Variants in STARD13 observed in about 807,000 individuals in gnomAD.
STARD13 encodes stAR-related lipid transfer protein 13.
In STARD13, 62 loss-of-function variants were observed where a neutral mutation model predicts 106.4. The ratio of observed to expected loss-of-function variants is 0.58; its 90% CI spans 0.48 to 0.72. The LOEUF is 0.72. Ranked by LOEUF, STARD13 falls within the 30% of genes least tolerant of loss-of-function variation. STARD13 has a pLI of 0.00. For missense variants in STARD13, 1,387 were observed against 1,424.0 expected (o/e 0.97, Z 0.42); for synonymous variants, 565 against 553.0 (o/e 1.02, Z -0.31).
At chr13:33,339,801 C>A (rs1008685838) in intron 1 of STARD13, among the ~76,000 whole-genome samples, 5 of 151,996 alleles carry the variant, frequency 3.3e-5, no homozygotes, top group African/African-American at 4.8e-5. Context: ...AAGAAAGACA[C>A]AATGGCTGGG....
chr13:33,408,400 C>T, the STARD13 span, among the ~76,000 whole-genome samples: 1 of 151,966 alleles, frequency 6.6e-6, no homozygotes, highest in Admixed American at 6.6e-5. Flanking sequence ...TGAGTGGAGT[C>T]ATACAGTATT....
At chr13:33,500,173 T>C in the STARD13 span, among the ~76,000 whole-genome samples, 46 of 152,200 alleles carry the variant, frequency 3.0e-4, no homozygotes, top group African/African-American at 1.1e-3. Context: ...AGCTTCAACA[T>C]ATAAATTTGG....
intron 4 of STARD13, among the ~76,000 whole-genome samples, chr13:33,132,266 C>G (rs1385702257): frequency 6.6e-6 from 1 of 152,184 alleles, no homozygotes; most frequent in Non-Finnish European, 1.5e-5. Context: ...TTGTAGCTCC[C>G]ATAATTCCCA....
intron 1 of STARD13, chr13:33,280,549 T>G (rs1415449721): frequency 1.3e-5 from 2 of 152,108 alleles, no homozygotes; most frequent in African/African-American, 4.8e-5. Flanking sequence ...TCAAGACAAT[T>G]CCACTTTACA....
chr13:33,671,881 T>C, the STARD13 span, among the ~76,000 whole-genome samples: 2 of 152,248 alleles, frequency 1.3e-5, no homozygotes, highest in Non-Finnish European at 2.9e-5. Context: ...TTGCTTCTAT[T>C]ATTAAATCCT....
intron 8 of STARD13, 35 bp downstream of exon 8, chr13:33,118,030 C>T (rs1350746150): frequency 1.9e-6 from 3 of 1,609,862 alleles, no homozygotes; most frequent in South Asian, 2.2e-5. Flanking sequence ...TGGAAGGATG[C>T]CCACGAGAAC....
the STARD13 span, among the ~76,000 whole-genome samples, chr13:33,639,184 T>TG: frequency 3.9e-5 from 6 of 152,202 alleles, no homozygotes; most frequent in East Asian, 1.2e-3. Context: ...GGTGAGATGA[T>TG]GAAGAGTTGG....
At chr13:33,350,750 G>A (rs988363079), upstream of STARD13, 77 of 778,326 alleles carry the variant, frequency 9.9e-5, no homozygotes, top group Non-Finnish European at 1.2e-4. Context: ...GCTGCCTCGC[G>A]CCCCACTCCT....
chr13:33,325,386 T>A (rs2077762446), intron 1 of STARD13, among the ~76,000 whole-genome samples: 3 of 152,168 alleles, frequency 2.0e-5, no homozygotes, highest in Admixed American at 2.0e-4. Flanking sequence ...CAATATCTCC[T>A]GATTATTCTA....
intron 1 of STARD13, among the ~76,000 whole-genome samples, chr13:33,320,916 C>T (rs898035141): frequency 6.6e-6 from 1 of 152,162 alleles, no homozygotes; most frequent in African/African-American, 2.4e-5. Flanking sequence ...TAAACACAAG[C>T]TCGTTCTTTC....
At chr13:33,553,797 C>T in the STARD13 span, among the ~76,000 whole-genome samples, 1 of 151,920 alleles carries the variant, frequency 6.6e-6, no homozygotes, top group Non-Finnish European at 1.5e-5. Flanking sequence ...CCAGGATGGT[C>T]TCGATGTGTT....
the STARD13 span, among the ~76,000 whole-genome samples, chr13:33,633,886 C>T: frequency 3.5e-3 from 536 of 152,286 alleles, 3 homozygotes; most frequent in Middle Eastern, 0.014. Flanking sequence ...CCTGACCACC[C>T]TCTTGGGGCT....
chr13:33,661,378 A>G, the STARD13 span: 1 of 152,204 alleles, frequency 6.6e-6, no homozygotes, highest in Non-Finnish European at 1.5e-5. Context: ...AGCCAAGGGA[A>G]GAGGAAGTAA....
At chr13:33,652,576 A>C in the STARD13 span, among the ~76,000 whole-genome samples, 49 of 152,222 alleles carry the variant, frequency 3.2e-4, no homozygotes, top group African/African-American at 1.2e-3. Context: ...AAAACACATG[A>C]ATTCCCAAAC....
chr13:33,503,593 A>C, the STARD13 span, among the ~76,000 whole-genome samples: 1 of 152,098 alleles, frequency 6.6e-6, no homozygotes, highest in South Asian at 2.1e-4. Context: ...CTTTGTTCTC[A>C]TTGGTTTCAA....
the STARD13 span, among the ~76,000 whole-genome samples, chr13:33,646,144 G>A: frequency 6.6e-6 from 1 of 152,156 alleles, no homozygotes; most frequent in Non-Finnish European, 1.5e-5. Flanking sequence ...CAGAGAGCAT[G>A]TCCCAGGTGC....
At chr13:33,125,676 A>G (rs1464485764) in intron 7 of STARD13, among the ~76,000 whole-genome samples, 1 of 152,230 alleles carries the variant, frequency 6.6e-6, no homozygotes, top group Non-Finnish European at 1.5e-5. Flanking sequence ...AATTAATAAA[A>G]GGAGGCATGA....
chr13:33,639,683 C>T, the STARD13 span, among the ~76,000 whole-genome samples: 22 of 152,164 alleles, frequency 1.4e-4, no homozygotes, highest in Non-Finnish European at 2.9e-4. Context: ...TCACTTACTC[C>T]TGTGCCAATC....
In STARD13 at chr13:33,267,131, G is replaced by A. The variant is rs996729403; in HGVS notation, c.169+18339C>T. Among the ~76,000 whole-genome samples, 20 of 152,216 alleles carry A rather than the reference G, an allele frequency of 1.3e-4. 1 individual carries two copies. Among genetic ancestry groups the A allele is most frequent in the Admixed American group, 6.5e-4 (10 of 15,282 alleles). ...GTGTCAGCACACAGCTAAACTCTCC[G>A]TAGAGGGTGGGCCCTGGTTTTTCAA... On this transcript the variant is annotated intron_variant, in intron 1 of 13. Transcript: ENST00000336934.
Sources: gnomAD v4.1 joint callset for allele counts (sites outside exome capture counted in the v4.1 genomes callset) on GRCh38, gnomAD v4.1.1 for gene constraint, MANE v1.5 for transcripts, NCBI Gene and HGNC (gene_info 2026-07-23, HGNC 2026-07-21) for gene names.